CERS6: variants seen among roughly 807,000 people sequenced by gnomAD.
The protein encoded by CERS6 is ceramide synthase 6, also known as LAG1 homolog, ceramide synthase 6.
CERS6 carries 26 observed loss-of-function variants against 56.8 expected under a neutral mutation model. The ratio of observed to expected loss-of-function variants is 0.46; its 90% CI spans 0.34 to 0.63. CERS6 has a LOEUF of 0.63. Ranked by LOEUF, CERS6 falls within the 30% of genes least tolerant of loss-of-function variation. The pLI, the probability that CERS6 is intolerant of heterozygous loss-of-function variation, is 0.01. For missense variants in CERS6, 415 were observed against 467.5 expected (o/e 0.89, Z 1.04); for synonymous variants, 164 against 173.3 (o/e 0.95, Z 0.42).
chr2:168,744,660 G>T (rs912159582), intron 8 of CERS6, among the ~76,000 whole-genome samples: 1 of 152,182 alleles, frequency 6.6e-6, no homozygotes, highest in African/African-American at 2.4e-5. Flanking sequence ...GATAGAGGAG[G>T]AGGACAAAAT....
chr2:168,523,355 T>C (rs1695016301), intron 1 of CERS6, among the ~76,000 whole-genome samples: 1 of 151,840 alleles, frequency 6.6e-6, no homozygotes, highest in Non-Finnish European at 1.5e-5. Flanking sequence ...CCCAGTAAAC[T>C]TCTCTACACC....
At chr2:168,753,373 A>G (rs1684329939) in intron 8 of CERS6, among the ~76,000 whole-genome samples, 1 of 152,226 alleles carries the variant, frequency 6.6e-6, no homozygotes, top group Admixed American at 6.5e-5. Flanking sequence ...TTGATCAGTT[A>G]TTATTCAGTG....
rs6748913 is a variant in CERS6, at chr2:168,561,986, A to T, written c.407+664A>T. On this transcript the variant is annotated intron_variant, in intron 3 of 9. Coordinates refer to ENST00000305747, the MANE Select transcript of CERS6 (RefSeq NM_203463.3). ...CTATAGGAAAACCAGAGAAAAATAC[A>T]TTGAAACATTGAGAACATCCCCAAG... Among the ~76,000 whole-genome samples, 428 of 152,310 alleles carry T rather than the reference A, an allele frequency of 2.8e-3. 1 individual carries two copies. Among genetic ancestry groups the T allele is most frequent in the African/African-American group, 9.7e-3 (405 of 41,572 alleles).
rs767100715 is a variant in CERS6, at chr2:168,770,498, A to C, written c.*836A>C. ...AAGGAAATCACTGTTAAGAATGGGA[A>C]TTTGTCCTGTGTTCTGGGAATAACA... On this transcript the variant is annotated 3_prime_UTR_variant, in exon 10 of 10. Coordinates refer to ENST00000305747, the MANE Select transcript of CERS6 (RefSeq NM_203463.3). The C allele has an allele frequency of 2.0e-5, 3 of 152,726 alleles. No homozygotes were observed. The highest frequency in any genetic ancestry group is 2.9e-5 in the Non-Finnish European group (2 of 68,020). The allele number at this position is 152,726 out of a possible 1,614,324, so 9.5% of individuals were successfully genotyped here.
intron 3 of CERS6, among the ~76,000 whole-genome samples, chr2:168,610,303 G>A (rs751619177): frequency 6.6e-6 from 1 of 152,064 alleles, no homozygotes; most frequent in Non-Finnish European, 1.5e-5. Flanking sequence ...AATAGGTAAG[G>A]CTTCCTTAGA....
chr2:168,573,751 G>C (rs1683176774), intron 3 of CERS6, among the ~76,000 whole-genome samples: 1 of 152,074 alleles, frequency 6.6e-6, no homozygotes, highest in Admixed American at 6.6e-5. Flanking sequence ...TCTGTGGGTG[G>C]CTGGGGGTGG....
At chr2:168,662,534 G>T (rs1452839577) in intron 4 of CERS6, among the ~76,000 whole-genome samples, 2 of 152,094 alleles carry the variant, frequency 1.3e-5, no homozygotes, top group South Asian at 2.1e-4. Flanking sequence ...TTCAAGACCA[G>T]CCTGGCCAAC....
In CERS6 at chr2:168,770,800, C is replaced by T. The variant is rs1684843988; in HGVS notation, c.*1138C>T. The T allele has an allele frequency of 1.3e-5, 2 of 152,422 alleles. No homozygotes were observed. Among genetic ancestry groups the T allele is most frequent in the South Asian group, 2.1e-4 (1 of 4,816 alleles). The allele number at this position is 152,422 out of a possible 1,614,324, so 9.4% of individuals were successfully genotyped here. On this transcript the variant is annotated 3_prime_UTR_variant, in exon 10 of 10. Transcript: ENST00000305747. ...TTTGCTTTTCTCCTTAAACGTAATCCAGATGACTTTCCTGTTACTAAACAC... is the reference window on the plus strand; with the variant it reads ...TTTGCTTTTCTCCTTAAACGTAATCTAGATGACTTTCCTGTTACTAAACAC...
chr2:168,473,342 T>G (rs914394899), intron 1 of CERS6, among the ~76,000 whole-genome samples: 10 of 152,160 alleles, frequency 6.6e-5, no homozygotes, highest in Non-Finnish European at 1.5e-4. Context: ...TGTTTGCATT[T>G]TTTTCAGTTT....
intron 8 of CERS6, among the ~76,000 whole-genome samples, chr2:168,731,543 A>C (rs938176217): frequency 1.3e-5 from 2 of 152,142 alleles, no homozygotes; most frequent in Admixed American, 1.3e-4. Flanking sequence ...CTGAAGGGAA[A>C]ACATCATCAT....
At chr2:168,581,410 A>G (rs1159440624) in intron 3 of CERS6, among the ~76,000 whole-genome samples, 3 of 152,126 alleles carry the variant, frequency 2.0e-5, no homozygotes, top group African/African-American at 7.2e-5. Context: ...CGTTTTCTGT[A>G]ATTACAGTTA....
intron 3 of CERS6, among the ~76,000 whole-genome samples, chr2:168,628,159 C>T (rs183624031): frequency 4.8e-4 from 73 of 152,260 alleles, no homozygotes; most frequent in Middle Eastern, 3.4e-3. Context: ...GGAGGCTGTT[C>T]TTCCTTTGAA....
chr2:168,525,512 A>G (rs188506114), intron 1 of CERS6, among the ~76,000 whole-genome samples: 2 of 152,366 alleles, frequency 1.3e-5, no homozygotes, highest in Admixed American at 6.5e-5. Flanking sequence ...GAAAATACCA[A>G]TGCTTATGGT....
intron 4 of CERS6, among the ~76,000 whole-genome samples, chr2:168,651,500 T>C (rs145783477): frequency 6.6e-6 from 1 of 152,320 alleles, no homozygotes; most frequent in East Asian, 1.9e-4. Flanking sequence ...GGGTGATTTA[T>C]AAAGAAAAGA....
At chr2:168,719,073 A>G (rs995927253) in intron 8 of CERS6, among the ~76,000 whole-genome samples, 9 of 152,150 alleles carry the variant, frequency 5.9e-5, no homozygotes, top group Non-Finnish European at 7.4e-5. Context: ...TAAAATTCCA[A>G]TGAGCTGCCA....
chr2:168,689,273 C>T (rs1471952125), intron 4 of CERS6, among the ~76,000 whole-genome samples: 1 of 152,112 alleles, frequency 6.6e-6, no homozygotes, highest in Non-Finnish European at 1.5e-5. Context: ...TCAACTTTAT[C>T]AGAGAGAACG....
At chr2:168,622,712 C>G (rs1370533939) in intron 3 of CERS6, among the ~76,000 whole-genome samples, 1 of 152,148 alleles carries the variant, frequency 6.6e-6, no homozygotes, top group Non-Finnish European at 1.5e-5. Context: ...ACAGAAAGAG[C>G]TGAGCCTTAA....
intron 8 of CERS6, among the ~76,000 whole-genome samples, chr2:168,743,986 CTTTTTTTTCTTTTTT>C (rs1348769489): frequency 1.2e-4 from 7 of 59,700 alleles, no homozygotes; most frequent in African/African-American, 4.3e-4. Context: ...TTTCTTTTTT[CTTTTTTTTCTTTTTT>C]TTTTTTTTTT....
chr2:168,605,872 C>T (rs1016721695), intron 3 of CERS6, among the ~76,000 whole-genome samples: 5 of 152,190 alleles, frequency 3.3e-5, no homozygotes, highest in Non-Finnish European at 2.9e-5. Context: ...CCTGGATGTC[C>T]AGGCAGAAGC....
Sources: gnomAD v4.1 joint callset for allele counts (sites outside exome capture counted in the v4.1 genomes callset) on GRCh38, gnomAD v4.1.1 for gene constraint, MANE v1.5 for transcripts, NCBI Gene and HGNC (gene_info 2026-07-23, HGNC 2026-07-21) for gene names.